DIP2C: variants seen among roughly 807,000 people sequenced by gnomAD.
DIP2C encodes the protein DIP2 acetate--CoA ligase C (putative), also known as disco-interacting protein 2 homolog C.
In DIP2C, 33 loss-of-function variants were observed where a neutral mutation model predicts 192.4. That is an observed-to-expected ratio of 0.17 (90% CI 0.13 to 0.23). DIP2C has a LOEUF of 0.23. Among genes scored for constraint, DIP2C ranks in the 10% least tolerant of loss-of-function variants. The pLI is 1.00. For synonymous variants in DIP2C, 979 were observed against 864.1 expected, an observed-to-expected ratio of 1.13 and a Z score of -2.33; for missense variants, 1,537 against 2,110.1, an observed-to-expected ratio of 0.73 and a Z score of 5.32.
chr10:489,284 CCTT>C (rs1220033440), intron 1 of DIP2C, among the ~76,000 whole-genome samples: 2 of 152,232 alleles, frequency 1.3e-5, no homozygotes, highest in African/African-American at 4.8e-5. Flanking sequence ...CATGAGCAAA[CCTT>C]CTAGCAGCAC....
intron 3 of DIP2C, among the ~76,000 whole-genome samples, chr10:470,332 G>A (rs1970529213): frequency 6.6e-6 from 1 of 152,182 alleles, no homozygotes; most frequent in Non-Finnish European, 1.5e-5. Flanking sequence ...CTCACGTTGG[G>A]TCTAGCTTCC....
At chr10:318,927 A>G (rs959066211) in intron 31 of DIP2C, among the ~76,000 whole-genome samples, 2 of 149,390 alleles carry the variant, frequency 1.3e-5, no homozygotes, top group African/African-American at 4.9e-5. Context: ...TTTTTTATAC[A>G]GAGTCTGGCT....
chr10:405,948 C>A (rs566244789), intron 9 of DIP2C, among the ~76,000 whole-genome samples: 1 of 152,204 alleles, frequency 6.6e-6, no homozygotes. Context: ...CTCAGATAAT[C>A]TTTCCTCAGA....
chr10:382,860 A>G (rs1962505526), intron 16 of DIP2C, 99 bp from the exon 17 acceptor site: 2 of 745,564 alleles, frequency 2.7e-6, no homozygotes, highest in African/African-American at 1.8e-5. Context: ...ATTCAGGCAC[A>G]AGTGGATCTA....
chr10:281,620 T>C (rs1024692514), intron 35 of DIP2C, among the ~76,000 whole-genome samples: 3 of 152,246 alleles, frequency 2.0e-5, no homozygotes, highest in African/African-American at 7.2e-5. Flanking sequence ...CCTGATTGCA[T>C]GTTCATCGGG....
chr10:375,435 T>C (rs1411769175), intron 17 of DIP2C, among the ~76,000 whole-genome samples: 1 of 152,200 alleles, frequency 6.6e-6, no homozygotes, highest in East Asian at 1.9e-4. Flanking sequence ...TAAACCTCTT[T>C]TCCTTATAGA....
At chr10:685,925 C>T (rs1199626250) in intron 1 of DIP2C, among the ~76,000 whole-genome samples, 3 of 146,974 alleles carry the variant, frequency 2.0e-5, no homozygotes, top group African/African-American at 5.0e-5. Flanking sequence ...CATACCACTG[C>T]ACTCCAGCAT....
chr10:337,353 C>CGTGTGTGTTGTGGAGGCCTAGGCAGCTGT (rs1957875905), intron 29 of DIP2C, among the ~76,000 whole-genome samples: 1 of 33,662 alleles, frequency 3.0e-5, no homozygotes, highest in Non-Finnish European at 6.1e-5. Context: ...TGTGTGCGCG[C>CGTGTGTGTTGTGGAGGCCTAGGCAGCTGT]GTGTGTGTTG....
intron 1 of DIP2C, among the ~76,000 whole-genome samples, chr10:566,219 A>C (rs1216115660): frequency 6.6e-6 from 1 of 152,062 alleles, no homozygotes; most frequent in Non-Finnish European, 1.5e-5. Context: ...TACCATTAAG[A>C]GTGTCTGAAG....
At chr10:533,997 G>C (rs1463226335) in intron 1 of DIP2C, among the ~76,000 whole-genome samples, 2 of 102,368 alleles carry the variant, frequency 2.0e-5, no homozygotes, top group Non-Finnish European at 3.9e-5. Flanking sequence ...GGTTTGACAT[G>C]CTTTAAAAAA....
intron 1 of DIP2C, among the ~76,000 whole-genome samples, chr10:487,440 C>T (rs561479124): frequency 1.2e-4 from 19 of 152,096 alleles, no homozygotes; most frequent in Non-Finnish European, 2.2e-4. Context: ...TCTGCCTCCA[C>T]GGCTGCCTCC....
Position 391,585 on chromosome 10 carries a change from G to A in DIP2C, c.1261-722C>T, listed in dbSNP as rs139470440. Among the ~76,000 whole-genome samples the A allele has an allele frequency of 1.0e-3, 156 of 152,358 alleles. 1 individual carries two copies. The highest frequency in any genetic ancestry group is 3.4e-3 in the African/African-American group (141 of 41,582). ...AGGTGGGCGAGCAGCCAAGGCACTC[G>A]CATCACTCTCTCTACGCCCACCAGC... On this transcript the variant is annotated intron_variant, in intron 10 of 36. Transcript: ENST00000280886.
At chr10:555,110 A>C (rs1177241345) in intron 1 of DIP2C, among the ~76,000 whole-genome samples, 1 of 152,204 alleles carries the variant, frequency 6.6e-6, no homozygotes, top group Non-Finnish European at 1.5e-5. Flanking sequence ...TAAGTGTAAA[A>C]ATGCATGCCT....
rs372852153 is a variant in DIP2C, at chr10:364,338, G to A, written c.2477+36C>T. ...AACCACATAAAAAATATGGCCGACC[G>A]GAAACCATATGCTTGATTTGCAGAA... On this transcript the variant is annotated intron_variant, in intron 20 of 36. Transcript: ENST00000280886. The A allele has an allele frequency of 2.4e-4, 384 of 1,585,882 alleles. 1 individual carries two copies. The highest frequency in any genetic ancestry group is 1.1e-3 in the South Asian group (97 of 89,592).
chr10:489,280 C>G (rs530600201), intron 1 of DIP2C, among the ~76,000 whole-genome samples: 39 of 152,344 alleles, frequency 2.6e-4, no homozygotes, highest in Admixed American at 1.6e-3. Context: ...TTTACATGAG[C>G]AAACCTTCTA....
chr10:521,745 G>C (rs1048422252), intron 1 of DIP2C, among the ~76,000 whole-genome samples: 5 of 152,140 alleles, frequency 3.3e-5, no homozygotes, highest in Admixed American at 6.5e-5. Flanking sequence ...ATTCTATCTG[G>C]CCAGCACTAT....
intron 32 of DIP2C, among the ~76,000 whole-genome samples, chr10:289,346 C>A (rs1004029895): frequency 7.2e-5 from 11 of 151,962 alleles, no homozygotes; most frequent in African/African-American, 2.4e-4. Flanking sequence ...CATGGCTCAT[C>A]GCAGTCTGAC....
chr10:326,758 C>A (rs185920781), intron 31 of DIP2C, among the ~76,000 whole-genome samples: 2 of 152,306 alleles, frequency 1.3e-5, no homozygotes, highest in East Asian at 1.9e-4. Context: ...AACTGCTACC[C>A]CTGTCACAAA....
At chr10:640,902 G>T (rs1459134870) in intron 1 of DIP2C, among the ~76,000 whole-genome samples, 3 of 152,098 alleles carry the variant, frequency 2.0e-5, no homozygotes, top group Non-Finnish European at 4.4e-5. Flanking sequence ...CAGAGGGGCT[G>T]CATGAACCAG....
Sources: allele counts gnomAD v4.1 joint callset (sites outside exome capture counted in the v4.1 genomes callset), GRCh38; gene constraint gnomAD v4.1.1; transcripts MANE v1.5; gene names NCBI Gene and HGNC (gene_info 2026-07-23, HGNC 2026-07-21).